MAP2K2: variants seen among roughly 807,000 people sequenced by gnomAD.
The protein encoded by MAP2K2 is dual specificity mitogen-activated protein kinase kinase 2.
MAP2K2 carries 24 observed loss-of-function variants against 43.7 expected under a neutral mutation model. The ratio of observed to expected loss-of-function variants is 0.55; its 90% CI spans 0.40 to 0.77. MAP2K2 has a LOEUF of 0.77. Among genes scored for constraint, MAP2K2 ranks in the 30% least tolerant of loss-of-function variants. MAP2K2 has a pLI of 0.00. For synonymous variants in MAP2K2, 244 were observed against 239.7 expected (o/e 1.02, Z -0.17); for missense variants, 470 against 566.8 (o/e 0.83, Z 1.73).
At position 4,123,802 on chromosome 19, in the gene MAP2K2, G is replaced by A. The variant is rs2145089782; in HGVS notation, c.74C>T (p.Thr25Ile). The change falls in exon 1 of 11, where the codon ACC becomes ATC. Residue 25 changes from threonine to isoleucine, a missense_variant. Transcript: ENST00000262948. ...NPTIAEGPSP[T>I]SEGASEANLV... ...CACTCACTCGGAGGCGCCCTCGCTG[G>A]TAGGGGATGGGCCCTCGGCGATGGT... 1 of 1,564,960 alleles carries A rather than the reference G, an allele frequency of 6.4e-7. No homozygotes were observed. Among genetic ancestry groups the A allele is most frequent in the Non-Finnish European group, 8.6e-7 (1 of 1,160,428 alleles).
rs1390219813 is a variant in MAP2K2, at chr19:4,101,256, G to A, written c.553C>T (p.Arg185Ter). The A allele has an allele frequency of 1.1e-5, 17 of 1,585,936 alleles. No homozygotes were observed. The highest frequency in any genetic ancestry group is 1.4e-5 in the Non-Finnish European group (16 of 1,167,012). ...CGGTGCATGATCTGGTGCTTCTCTC[G>A]GAGGTACGCCAAGCCCCGGAGAACC... ...IAVLRGLAYLREKHQIMHRDV... is the reference protein window; with the variant it reads ...IAVLRGLAYL The change falls in exon 5 of 11, where the codon CGA (arginine) becomes TGA (stop). Residue 185 changes from arginine (R) to a stop codon, truncating the protein, a stop_gained. Coordinates refer to ENST00000262948, the MANE Select transcript of MAP2K2 (RefSeq NM_030662.4). LOFTEE classifies it high-confidence loss of function. This position sits in a 1 kb window ranked among gnomAD's most constrained non-coding sequence, Gnocchi z 6.3.
In MAP2K2 at chr19:4,102,868, T is replaced by C. The variant is rs549346867; in HGVS notation, c.451-415A>G. The C allele has an allele frequency of 1.6e-3, 1,900 of 1,180,434 alleles. 1 individual carries two copies. The highest frequency in any genetic ancestry group is 2.0e-3 in the Non-Finnish European group (1,839 of 937,966). 73.1% of individuals were successfully genotyped at this position (1,180,434 alleles called of 1,614,324 possible). On this transcript the variant is annotated intron_variant, in intron 3 of 10. Transcript: ENST00000262948. The stretch of plus-strand genomic sequence containing the variant: ...GAGGCGGCCAGGCTGGAGACCAGCG[T>C]CTTGGGCCTGCGTCCTCTTCCCAGC...
chr19:4,116,352 G>A (rs1276280311), intron 2 of MAP2K2, among the ~76,000 whole-genome samples: 2 of 151,906 alleles, frequency 1.3e-5, no homozygotes, highest in Non-Finnish European at 1.5e-5. Context: ...CCAACACGGT[G>A]AACCCCATCT....
At chr19:4,106,195 C>T (rs1242544607) in intron 3 of MAP2K2, among the ~76,000 whole-genome samples, 1 of 152,076 alleles carries the variant, frequency 6.6e-6, no homozygotes. Flanking sequence ...CACTTGTGGC[C>T]AGGAGTTCAA....
chr19:4,092,979 C>A (rs1168453283), intron 10 of MAP2K2, among the ~76,000 whole-genome samples: 1 of 152,100 alleles, frequency 6.6e-6, no homozygotes, highest in African/African-American at 2.4e-5. Context: ...GAGGCTGAGG[C>A]AGGCAGATCA....
intron 3 of MAP2K2, 117 bp from the exon 4 acceptor site, chr19:4,102,570 G>C (rs1216021209): frequency 1.0e-6 from 1 of 958,298 alleles, no homozygotes; most frequent in Non-Finnish European, 1.6e-6. Context: ...GCAGGGGCCG[G>C]AGCCCAACTC....
chr19:4,096,772 C>T (rs2040924081), intron 8 of MAP2K2, among the ~76,000 whole-genome samples: 1 of 152,178 alleles, frequency 6.6e-6, no homozygotes, highest in Admixed American at 6.5e-5. Context: ...AAGGGGCAGG[C>T]TGGCTCCTCG....
intron 8 of MAP2K2, 50 bp downstream of exon 8, chr19:4,097,224 AAAAAG>A: frequency 2.4e-6 from 3 of 1,247,250 alleles, no homozygotes; most frequent in Non-Finnish European, 3.4e-6. Flanking sequence ...AAAAAAAAAA[AAAAAG>A]AAAGAAGAAA....
At chr19:4,121,645 A>AC (rs1350583589) in intron 1 of MAP2K2, among the ~76,000 whole-genome samples, 5 of 52,520 alleles carry the variant, frequency 9.5e-5, no homozygotes, top group East Asian at 6.2e-4. Context: ...ACCCAACCTG[A>AC]CCCCCCCCAC....
At chr19:4,117,929 T>TTTTCC in intron 1 of MAP2K2, among the ~76,000 whole-genome samples, 1 of 152,122 alleles carries the variant, frequency 6.6e-6, no homozygotes, top group Non-Finnish European at 1.5e-5. Flanking sequence ...AGCCTCCGTC[T>TTTTCC]TTTTCTTTTC....
intron 2 of MAP2K2, among the ~76,000 whole-genome samples, chr19:4,111,938 A>G (rs1359922909): frequency 6.6e-6 from 1 of 152,120 alleles, no homozygotes; most frequent in Admixed American, 6.5e-5. Context: ...GGGGGACAAG[A>G]GCGAGACTTT....
At position 4,095,469 on chromosome 19, in the gene MAP2K2, G is replaced by A. The variant is rs2040905111; in HGVS notation, c.985-20C>T. 6.5e-7 allele frequency: 1 copy of A among 1,549,952 alleles called. No individual in the cohort carries two copies. The highest frequency in any genetic ancestry group is 8.7e-7 in the Non-Finnish European group (1 of 1,145,686). On this transcript the variant is annotated intron_variant, in intron 8 of 10. Coordinates refer to ENST00000262948, the MANE Select transcript of MAP2K2 (RefSeq NM_030662.4). ...AGGTGGCTGTGGAGGAGAACAGAGGGTGGGGTCAGCCCTGGGCATCGTCAG... is the reference window on the plus strand; with the variant it reads ...AGGTGGCTGTGGAGGAGAACAGAGGATGGGGTCAGCCCTGGGCATCGTCAG...
intron 6 of MAP2K2, chr19:4,099,638 CG>C: frequency 3.4e-6 from 2 of 589,370 alleles, no homozygotes; most frequent in Non-Finnish European, 6.1e-6. Context: ...TGGTGTTGAC[CG>C]CAGCTCTTGA....
At chr19:4,116,799 G>A (rs1275162874) in intron 2 of MAP2K2, among the ~76,000 whole-genome samples, 1 of 149,044 alleles carries the variant, frequency 6.7e-6, no homozygotes, top group Non-Finnish European at 1.5e-5. Context: ...GCCTGGTGGT[G>A]TGTGCCTGTA....
chr19:4,123,448 A>G (rs1013691056), intron 1 of MAP2K2, among the ~76,000 whole-genome samples: 2 of 151,366 alleles, frequency 1.3e-5, no homozygotes, highest in African/African-American at 4.9e-5. Context: ...TCCACTCTTC[A>G]GGAACCCCAC....
rs764384410 is a variant in MAP2K2, at chr19:4,117,470, C to A, written c.252G>T (p.Gly84=). 1.9e-6 allele frequency: 3 copies of A among 1,614,090 alleles called. No individual in the cohort carries two copies. The South Asian group carries it at 3.3e-5, about 18-fold the overall frequency. The part of the protein sequence containing the change: ...RISELGAGNG[G]VVTKVQHRPS... ...GTCTGTGCTGGACTTTGGTGACCAC[C>A]CCGCCGTTGCCCGCGCCCAGCTCTG... The change falls in exon 2 of 11, where the codon GGG becomes GGT. Residue 84 remains glycine, a synonymous_variant. Coordinates refer to ENST00000262948, the MANE Select transcript of MAP2K2 (RefSeq NM_030662.4).
chr19:4,095,472 G>A (rs1232872127), intron 8 of MAP2K2, 23 bp from the exon 9 acceptor site: 16 of 1,549,078 alleles, frequency 1.0e-5, no homozygotes, highest in Non-Finnish European at 1.3e-5. Context: ...ACAGAGGGTG[G>A]GGTCAGCCCT....
At chr19:4,116,354 A>AC (rs1444018148) in intron 2 of MAP2K2, among the ~76,000 whole-genome samples, 2 of 151,892 alleles carry the variant, frequency 1.3e-5, no homozygotes, top group East Asian at 1.9e-4. Flanking sequence ...AACACGGTGA[A>AC]CCCCATCTCT....
intron 1 of MAP2K2, among the ~76,000 whole-genome samples, chr19:4,120,876 G>A (rs1476976509): frequency 1.4e-5 from 2 of 145,408 alleles, no homozygotes; most frequent in Non-Finnish European, 3.1e-5. Context: ...TGAGGAACGG[G>A]TCCCCGTGTC....
Sources: allele counts gnomAD v4.1 joint callset (sites outside exome capture counted in the v4.1 genomes callset), GRCh38; gene constraint gnomAD v4.1.1; non-coding constraint Gnocchi (gnomAD v3.1); transcripts MANE v1.5; gene names NCBI Gene and HGNC (gene_info 2026-07-23, HGNC 2026-07-21).